The following RGS22 variants were observed in gnomAD, a reference collection of about 807,000 sequenced individuals.
RGS22 encodes regulator of G protein signaling 22, also known as regulator of G-protein signaling 22.
A neutral mutation model predicts 172.9 loss-of-function variants in RGS22; 148 were observed. The observed-to-expected ratio is 0.86, with a 90% CI of 0.75 to 0.98. RGS22 has a LOEUF of 0.98. Among genes scored for constraint, RGS22 ranks in the 50% least tolerant of loss-of-function variants. The pLI is 0.00. For synonymous variants in RGS22, 458 were observed against 480.2 expected (o/e 0.95, Z 0.60); for missense variants, 1,347 against 1,440.8 (o/e 0.93, Z 1.05).
At chr8:99,979,232 A>G (rs946797111) in intron 22 of RGS22, among the ~76,000 whole-genome samples, 7 of 152,118 alleles carry the variant, frequency 4.6e-5, no homozygotes, top group African/African-American at 1.4e-4. Context: ...TCCTCTATTA[A>G]TCATACTTCT....
chr8:99,985,238 C>T (rs746416333), intron 21 of RGS22, among the ~76,000 whole-genome samples: 1 of 152,190 alleles, frequency 6.6e-6, no homozygotes, highest in Non-Finnish European at 1.5e-5. Context: ...GAATCACATC[C>T]TTGACCTCAT....
intron 11 of RGS22, among the ~76,000 whole-genome samples, chr8:100,044,198 A>G (rs1426186876): frequency 6.6e-6 from 1 of 152,150 alleles, no homozygotes; most frequent in Non-Finnish European, 1.5e-5. Context: ...ACAAAATTAG[A>G]AGGGGAGGGG....
chr8:99,981,927 G>A lies in RGS22; in HGVS notation c.3360+10C>T, dbSNP rs1010716529. ...TAAAATATGCTTAGCCACATGCCCT[G>A]ATCTCTTACCTGTGCCTCTCTAAAT... On this transcript the variant is annotated intron_variant, in intron 22 of 27. Transcript: ENST00000360863. 4.4e-6 allele frequency: 7 copies of A among 1,600,872 alleles called. No individual in the cohort carries two copies. In the African/African-American group the frequency reaches 6.8e-5, roughly 15 times the overall value.
rs774647117 is a variant in RGS22, at chr8:100,002,157, C to T, written c.2790+45G>A. 3.0e-5 allele frequency: 43 copies of T among 1,411,110 alleles called. 1 individual carries two copies. In the South Asian group the frequency reaches 4.9e-4, roughly 16 times the overall value. The allele number at this position is 1,411,110 out of a possible 1,614,324, so 87.4% of individuals were successfully genotyped here. A position where few individuals can be genotyped will look rare whatever the true frequency, so the allele number is the denominator to read the frequency against. Reference sequence around the variant, plus strand: ...GTTGGCAAAAATAGAAATAAAATACCGGTTTTCAAACATCAATTAAAAAAA... The same window carrying T: ...GTTGGCAAAAATAGAAATAAAATACTGGTTTTCAAACATCAATTAAAAAAA... On this transcript the variant is annotated intron_variant, in intron 18 of 27. Transcript: ENST00000360863.
intron 3 of RGS22, among the ~76,000 whole-genome samples, chr8:100,083,132 T>C (rs1412112825): frequency 6.6e-6 from 1 of 152,190 alleles, no homozygotes; most frequent in Non-Finnish European, 1.5e-5. Flanking sequence ...TTAGAAAGGT[T>C]CTGGAGCAGT....
intron 4 of RGS22, among the ~76,000 whole-genome samples, chr8:100,075,832 A>G (rs1811306599): frequency 6.6e-6 from 1 of 152,176 alleles, no homozygotes; most frequent in South Asian, 2.1e-4. Context: ...ACTGTCTTAC[A>G]ATTGCAGCAG....
chr8:100,042,826 A>G (rs548226465), intron 11 of RGS22: 5 of 152,344 alleles, frequency 3.3e-5, no homozygotes, highest in African/African-American at 1.2e-4. Flanking sequence ...AAAAAGCTAA[A>G]CATTAACCTT....
In RGS22 at chr8:100,076,761, G is replaced by A. The variant is rs534104594; in HGVS notation, c.339+3373C>T. Reference sequence around the variant, plus strand: ...TAATCCCAGCACTTTGGGAGGCCGAGGCAGGCGGATCACTTGAGGCCAGGA... The same window carrying A: ...TAATCCCAGCACTTTGGGAGGCCGAAGCAGGCGGATCACTTGAGGCCAGGA... On this transcript the variant is annotated intron_variant, in intron 4 of 27. Coordinates refer to ENST00000360863, the MANE Select transcript of RGS22 (RefSeq NM_015668.5). Among the ~76,000 whole-genome samples, 17 of 152,336 alleles carry A rather than the reference G, an allele frequency of 1.1e-4. No homozygotes were observed. The South Asian group carries it at 3.3e-3, about 30-fold the overall frequency.
At chr8:99,999,003 T>C (rs746808765) in intron 19 of RGS22, among the ~76,000 whole-genome samples, 4 of 152,008 alleles carry the variant, frequency 2.6e-5, no homozygotes, top group Non-Finnish European at 5.9e-5. Flanking sequence ...AAAAAAATTT[T>C]TTTCAATTAG....
rs867932835 is a variant in RGS22 at position 100,089,902 on chromosome 8, T to C, written c.117+3545A>G. ...TCAAAAGTTTTGAGCCATCTGAACC[T>C]GTGTGGACCATTATTTACTAGATGC... On this transcript the variant is annotated intron_variant, in intron 3 of 27. Coordinates refer to ENST00000360863, the MANE Select transcript of RGS22 (RefSeq NM_015668.5). Among the ~76,000 whole-genome samples the C allele has an allele frequency of 2.1e-4, 32 of 152,236 alleles. No individual in the cohort carries two copies. The Middle Eastern group carries it at 0.034, about 162-fold the overall frequency.
chr8:100,064,742 A>T (rs1159866621), intron 7 of RGS22, among the ~76,000 whole-genome samples: 1 of 152,234 alleles, frequency 6.6e-6, no homozygotes, highest in African/African-American at 2.4e-5. Flanking sequence ...ATACTAAATG[A>T]TTATATGTGC....
intron 14 of RGS22, among the ~76,000 whole-genome samples, chr8:100,029,018 T>C (rs1422549100): frequency 6.6e-6 from 1 of 152,190 alleles, no homozygotes; most frequent in Non-Finnish European, 1.5e-5. Context: ...TGCCACACTG[T>C]GGGCTGCCAT....
Position 99,982,136 on chromosome 8 carries a change from G to C in RGS22, c.3181-20C>G. On this transcript the variant is annotated intron_variant, in intron 21 of 27. Coordinates refer to ENST00000360863, the MANE Select transcript of RGS22 (RefSeq NM_015668.5). ...CAAGTCCTGAACAGAAGGAAAGATA[G>C]AATGGTATATAATTAATGCATTACC... The C allele has an allele frequency of 6.3e-7, 1 of 1,580,324 alleles. No homozygotes were observed. Among genetic ancestry groups the C allele is most frequent in the Non-Finnish European group, 8.6e-7 (1 of 1,159,660 alleles).
At chr8:99,964,699 T>C (rs1810553665) in intron 24 of RGS22, among the ~76,000 whole-genome samples, 1 of 152,162 alleles carries the variant, frequency 6.6e-6, no homozygotes, top group African/African-American at 2.4e-5. Flanking sequence ...AATAGCTTCA[T>C]AGTTAGCCAG....
chr8:99,962,171 C>T (rs1190704889), intron 27 of RGS22, among the ~76,000 whole-genome samples: 1 of 151,830 alleles, frequency 6.6e-6, no homozygotes, highest in Non-Finnish European at 1.5e-5. Flanking sequence ...CAGAAGAAAA[C>T]AGACAAGGAG....
rs767920012 is a variant in RGS22, at chr8:100,006,124, T to A, written c.2362-15A>T. On this transcript the variant is annotated splice_polypyrimidine_tract_variant and intron_variant, in intron 15 of 27. Transcript: ENST00000360863. ...ACCAGCTCCACCTAAAAAAAATAAATAAAGCTTGTGACATCAAGAGAATGT... is the reference window on the plus strand; with the variant it reads ...ACCAGCTCCACCTAAAAAAAATAAAAAAAGCTTGTGACATCAAGAGAATGT... 1.2e-6 allele frequency: 2 copies of A among 1,600,680 alleles called. No individual in the cohort carries two copies. The highest frequency in any genetic ancestry group is 1.7e-6 in the Non-Finnish European group (2 of 1,170,632).
rs143188840 is a variant in RGS22 at position 100,003,116 on chromosome 8, G to C, written c.2628-752C>G. On this transcript the variant is annotated intron_variant, in intron 17 of 27. Coordinates refer to ENST00000360863, the MANE Select transcript of RGS22 (RefSeq NM_015668.5). ...TTGATAGCACAATAGGATGACTATA[G>C]TCAATAATAACTTAATTGTACATTT... The C allele has an allele frequency of 5.2e-3, 1,107 of 214,884 alleles. 15 individuals are homozygous for C. The highest frequency in any genetic ancestry group is 0.024 in the African/African-American group (1,016 of 42,570). 13.3% of individuals were successfully genotyped at this position (214,884 alleles called of 1,614,324 possible).
intron 6 of RGS22, among the ~76,000 whole-genome samples, chr8:100,067,080 A>C (rs1482925646): frequency 1.3e-5 from 2 of 152,222 alleles, no homozygotes; most frequent in African/African-American, 4.8e-5. Context: ...ACAAGAGCAG[A>C]GAAGAGAGTT....
At chr8:100,049,540 G>C (rs965661889) in intron 10 of RGS22, among the ~76,000 whole-genome samples, 2 of 152,108 alleles carry the variant, frequency 1.3e-5, no homozygotes. Flanking sequence ...TCTCTTATTC[G>C]AGTTCCTTTC....
Sources: allele counts gnomAD v4.1 joint callset (sites outside exome capture counted in the v4.1 genomes callset), GRCh38; gene constraint gnomAD v4.1.1; transcripts MANE v1.5; gene names NCBI Gene and HGNC (gene_info 2026-07-23, HGNC 2026-07-21).